WWOX: variants seen among roughly 807,000 people sequenced by gnomAD.
WWOX encodes the protein WW domain-containing oxidoreductase.
Under a neutral mutation model 46.2 loss-of-function variants are expected in WWOX, and 69 were observed. That is an observed-to-expected ratio of 1.49 (90% confidence interval 1.23 to 1.82). The LOEUF (loss-of-function observed/expected upper bound fraction) is 1.82, where lower values mean the gene tolerates loss of function less well. Among genes scored for constraint, WWOX ranks in the 40% most tolerant of loss-of-function variants. WWOX has a pLI of 0.00. For synonymous variants in WWOX, 359 were observed against 202.6 expected, an observed-to-expected ratio of 1.77 and a Z score of -6.56; for missense variants, 919 against 542.6, an observed-to-expected ratio of 1.69 and a Z score of -6.89.
At chr16:78,569,901 C>G (rs1256859196) in intron 8 of WWOX, among the ~76,000 whole-genome samples, 1 of 152,162 alleles carries the variant, frequency 6.6e-6, no homozygotes, top group Non-Finnish European at 1.5e-5. Flanking sequence ...ATCATAAATA[C>G]CCATCGGTAC....
intron 8 of WWOX, among the ~76,000 whole-genome samples, chr16:78,487,880 C>T (rs1297207813): frequency 6.6e-6 from 1 of 152,248 alleles, no homozygotes; most frequent in South Asian, 2.1e-4. Flanking sequence ...ATAAGGCAAC[C>T]TTATGTCACC....
intron 8 of WWOX, among the ~76,000 whole-genome samples, chr16:78,765,494 C>A (rs904723204): frequency 3.9e-5 from 6 of 152,124 alleles, no homozygotes; most frequent in Non-Finnish European, 5.9e-5. Context: ...GCCTGGCCAA[C>A]ATGGTGAAAC....
intron 6 of WWOX, among the ~76,000 whole-genome samples, chr16:78,412,663 C>T (rs951510494): frequency 5.3e-5 from 8 of 152,144 alleles, no homozygotes; most frequent in African/African-American, 1.9e-4. Flanking sequence ...GCAGGATCCT[C>T]TGCAACAGGG....
intron 6 of WWOX, among the ~76,000 whole-genome samples, chr16:78,406,388 C>A (rs1248266508): frequency 7.2e-6 from 1 of 138,354 alleles, no homozygotes; most frequent in Non-Finnish European, 1.5e-5. Context: ...GAGTCTTGCT[C>A]TGTCACCAGG....
intron 8 of WWOX, among the ~76,000 whole-genome samples, chr16:78,500,577 A>G (rs933686941): frequency 2.6e-5 from 4 of 152,078 alleles, no homozygotes; most frequent in Non-Finnish European, 4.4e-5. Context: ...TGAGGCTCCA[A>G]CAGCATTTTC....
chr16:78,431,689 T>TC (rs1412957733), intron 7 of WWOX, among the ~76,000 whole-genome samples: 1 of 30,216 alleles, frequency 3.3e-5, no homozygotes, highest in African/African-American at 9.6e-5. Flanking sequence ...TTGTAGCCAA[T>TC]CCTTTTTTTT....
At chr16:78,220,609 G>T (rs1274446844) in intron 5 of WWOX, among the ~76,000 whole-genome samples, 2 of 152,066 alleles carry the variant, frequency 1.3e-5, no homozygotes, top group South Asian at 2.1e-4. Flanking sequence ...AGCGAAAATT[G>T]AACATTTTTA....
chr16:78,289,151 G>C (rs1283177337), intron 5 of WWOX, among the ~76,000 whole-genome samples: 1 of 152,120 alleles, frequency 6.6e-6, no homozygotes, highest in East Asian at 1.9e-4. Flanking sequence ...ACTTTACTTG[G>C]TGCTGGCAGC....
At chr16:78,822,882 C>A (rs923291028) in intron 8 of WWOX, among the ~76,000 whole-genome samples, 4 of 151,520 alleles carry the variant, frequency 2.6e-5, no homozygotes, top group Non-Finnish European at 5.9e-5. Context: ...AAAAAAGATT[C>A]CTAGCAAGAA....
At chr16:78,670,395 C>A (rs1436695407) in intron 8 of WWOX, among the ~76,000 whole-genome samples, 2 of 152,182 alleles carry the variant, frequency 1.3e-5, no homozygotes, top group African/African-American at 4.8e-5. Flanking sequence ...GCATTATGAG[C>A]ATTGCAGTGC....
chr16:79,035,470 C>A (rs536161059), intron 8 of WWOX, among the ~76,000 whole-genome samples: 1 of 151,996 alleles, frequency 6.6e-6, no homozygotes, highest in Non-Finnish European at 1.5e-5. Context: ...AGGTGTACTC[C>A]GGCTGCTCCT....
chr16:78,507,445 T>C (rs550582989), intron 8 of WWOX, among the ~76,000 whole-genome samples: 1 of 152,334 alleles, frequency 6.6e-6, no homozygotes, highest in African/African-American at 2.4e-5. Flanking sequence ...TTTACAGCTC[T>C]GGCATTTCTG....
intron 8 of WWOX, among the ~76,000 whole-genome samples, chr16:79,000,062 G>T (rs1465735763): frequency 2.0e-5 from 3 of 152,070 alleles, no homozygotes; most frequent in African/African-American, 7.2e-5. Flanking sequence ...GGTCTCTTCA[G>T]GCTCCTGGGA....
chr16:78,328,312 T>C (rs62034381), intron 5 of WWOX, among the ~76,000 whole-genome samples: 16,804 of 152,232 alleles, frequency 0.11, 1,213 homozygotes, highest in East Asian at 0.24. Flanking sequence ...TCATGTGATT[T>C]GATGTTTGGG....
chr16:79,176,590 T>C (rs182478486), intron 8 of WWOX, among the ~76,000 whole-genome samples: 40 of 152,326 alleles, frequency 2.6e-4, no homozygotes, highest in Admixed American at 2.6e-3. Context: ...ATAGAATGTA[T>C]GGATGTGAGA....
At chr16:78,459,393 C>G (rs1412474378) in intron 8 of WWOX, among the ~76,000 whole-genome samples, 1 of 152,222 alleles carries the variant, frequency 6.6e-6, no homozygotes, top group Non-Finnish European at 1.5e-5. Flanking sequence ...GAGTGGCCTA[C>G]AAGTGGAGCG....
intron 8 of WWOX, among the ~76,000 whole-genome samples, chr16:79,023,232 T>C (rs979794537): frequency 3.3e-5 from 5 of 152,222 alleles, no homozygotes; most frequent in African/African-American, 7.2e-5. Context: ...TGGAAGGCTG[T>C]CAAGCTGTGT....
chr16:78,957,969 C>T (rs2046202019), intron 8 of WWOX, among the ~76,000 whole-genome samples: 1 of 152,134 alleles, frequency 6.6e-6, no homozygotes, highest in South Asian at 2.1e-4. Flanking sequence ...AATCTCAGTG[C>T]CCTCTCACTT....
At chr16:78,200,024 A>T (rs911915476) in intron 5 of WWOX, among the ~76,000 whole-genome samples, 1 of 152,252 alleles carries the variant, frequency 6.6e-6, no homozygotes, top group Non-Finnish European at 1.5e-5. Flanking sequence ...GTCAATGTGC[A>T]ACCTAATTTT....
Sources: gnomAD v4.1 joint callset for allele counts (sites outside exome capture counted in the v4.1 genomes callset) on GRCh38, gnomAD v4.1.1 for gene constraint, MANE v1.5 for transcripts, NCBI Gene and HGNC (gene_info 2026-07-23, HGNC 2026-07-21) for gene names.